Variants in SLC22A9 observed in about 807,000 individuals in gnomAD.
SLC22A9 encodes the protein solute carrier family 22 member 9, also known as organic anion transporter 7.
In SLC22A9, 64 loss-of-function variants were observed where a neutral mutation model predicts 50.1. That is an observed-to-expected ratio of 1.28 (90% confidence interval 1.04 to 1.57). SLC22A9 has a LOEUF of 1.57. Ranked by LOEUF, SLC22A9 falls within the 40% of genes most tolerant of loss-of-function variation. The pLI, the probability that SLC22A9 is intolerant of heterozygous loss-of-function variation, is 0.00. For missense variants in SLC22A9, 757 were observed against 676.1 expected, an observed-to-expected ratio of 1.12 and a Z score of -1.33; for synonymous variants, 261 against 242.5, an observed-to-expected ratio of 1.08 and a Z score of -0.71.
intron 6 of SLC22A9, among the ~76,000 whole-genome samples, chr11:63,387,065 C>G (rs996254070): frequency 1.3e-5 from 2 of 151,948 alleles, no homozygotes; most frequent in African/African-American, 4.8e-5. Flanking sequence ...ACTGCTTTAG[C>G]TGCAACCCAC....
At position 63,408,766 on chromosome 11, in the gene SLC22A9, C is replaced by T. The variant is rs373523978; in HGVS notation, c.1488C>T (p.Pro496=). ...TGATCCTAAGTGTGTATTCTCCACC[C>T]CTGCCCTGGATCATCTATGGAGTCT... ...LMMILSVYSP[P]LPWIIYGVFP... is the part of the protein sequence containing the mutation. Residue 496 remains proline, a synonymous_variant, in exon 9 of 10, where the codon CCC becomes CCT. Coordinates refer to ENST00000279178, the MANE Select transcript of SLC22A9 (RefSeq NM_080866.3). 2.9e-5 allele frequency: 47 copies of T among 1,613,888 alleles called. No individual in the cohort carries two copies. The highest frequency in any genetic ancestry group is 3.3e-5 in the Non-Finnish European group (39 of 1,179,952).
chr11:63,387,185 C>T (rs1372834543), intron 6 of SLC22A9, among the ~76,000 whole-genome samples: 4 of 151,958 alleles, frequency 2.6e-5, no homozygotes, highest in Non-Finnish European at 5.9e-5. Flanking sequence ...GTTGCCTGTG[C>T]GTCTGGGGTA....
At chr11:63,403,202 T>C (rs1056453008) in intron 6 of SLC22A9, among the ~76,000 whole-genome samples, 2 of 152,090 alleles carry the variant, frequency 1.3e-5, no homozygotes, top group Non-Finnish European at 2.9e-5. Flanking sequence ...AGAGAGAATT[T>C]TGAAAGCAGC....
At chr11:63,395,380 G>A (rs1272483276) in intron 6 of SLC22A9, among the ~76,000 whole-genome samples, 2 of 152,114 alleles carry the variant, frequency 1.3e-5, no homozygotes, top group African/African-American at 4.8e-5. Context: ...TAGGGCTAAA[G>A]GCTGTTGTTC....
At position 63,406,604 on chromosome 11, in the gene SLC22A9, A is replaced by C; in HGVS notation, c.1181A>C (p.Asn394Thr). The stretch of plus-strand genomic sequence containing the variant: ...TTTGGTGCAGTCATCCTCCTGGCCA[A>C]CTGTGTTGCACCTTGGGCACTGAAA... The part of the protein sequence containing the change: ...TLFGAVILLA[N>T]CVAPWALKYM... The change falls in exon 7 of 10, where the codon AAC (asparagine) becomes ACC (threonine). Residue 394 changes from asparagine to threonine, a missense_variant. Asn to Thr is a moderately conservative substitution (Grantham distance 65, BLOSUM62 0). Coordinates refer to ENST00000279178, the MANE Select transcript of SLC22A9 (RefSeq NM_080866.3). The C allele has an allele frequency of 1.2e-6, 2 of 1,613,840 alleles. No homozygotes were observed. Among genetic ancestry groups the C allele is most frequent in the Non-Finnish European group, 1.7e-6 (2 of 1,179,852 alleles).
Position 63,370,222 on chromosome 11 carries a change from AATG to A in SLC22A9, c.168_170del (p.Asp57del), listed in dbSNP as rs1287020614. The A allele has an allele frequency of 6.2e-6, 10 of 1,614,096 alleles. No individual in the cohort carries two copies. The highest frequency in any genetic ancestry group is 8.5e-6 in the Non-Finnish European group (10 of 1,179,948). ...TCGCTGCTGGGTCCACATCCTGGAC[AATG>A]ACACTGTCTCTGACAATGACACTGG... On this transcript the variant is annotated inframe_deletion, in exon 1 of 10. Transcript: ENST00000279178.
intron 6 of SLC22A9, among the ~76,000 whole-genome samples, chr11:63,389,283 T>C (rs2014721137): frequency 6.6e-6 from 1 of 151,622 alleles, no homozygotes; most frequent in South Asian, 2.1e-4. Context: ...TCATCTAGGT[T>C]TTAAGCCCCA....
intron 6 of SLC22A9, among the ~76,000 whole-genome samples, chr11:63,393,890 GT>G (rs2014807152): frequency 2.0e-5 from 3 of 152,108 alleles, no homozygotes; most frequent in Admixed American, 6.6e-5. Context: ...TCTGAAGAGT[GT>G]TTTCCAACTT....
chr11:63,396,544 T>C (rs1396019468), intron 6 of SLC22A9, among the ~76,000 whole-genome samples: 2 of 152,152 alleles, frequency 1.3e-5, no homozygotes, highest in Admixed American at 1.3e-4. Context: ...GTATTTGGGA[T>C]ATCTCCTGGC....
At chr11:63,391,842 C>G (rs959533456) in intron 6 of SLC22A9, among the ~76,000 whole-genome samples, 1 of 151,944 alleles carries the variant, frequency 6.6e-6, no homozygotes, top group Admixed American at 6.6e-5. Flanking sequence ...TTACTTCTGT[C>G]ATTTTGTTAT....
chr11:63,408,695 A>C lies in SLC22A9; in HGVS notation c.1417A>C (p.Asn473His). The C allele has an allele frequency of 6.2e-7, 1 of 1,613,786 alleles. No individual in the cohort carries two copies. The highest frequency in any genetic ancestry group is 8.5e-7 in the Non-Finnish European group (1 of 1,179,752). The change falls in exon 9 of 10, where the codon AAT becomes CAT. Residue 473 changes from asparagine (N) to histidine (H), a missense_variant. Coordinates refer to ENST00000279178, the MANE Select transcript of SLC22A9 (RefSeq NM_080866.3). ...TCAAAGGGCAAGAGCTATGGGGATC[A>C]ATGCAACCTTTGCTAATATAGCAGG... ...TIIRARAMGI[N>H]ATFANIAGAL...
At chr11:63,379,924 G>A (rs2014531126) in intron 5 of SLC22A9, among the ~76,000 whole-genome samples, 1 of 152,038 alleles carries the variant, frequency 6.6e-6, no homozygotes, top group Non-Finnish European at 1.5e-5. Flanking sequence ...TACAGATGGG[G>A]TTTCACCATG....
At chr11:63,393,422 A>G (rs943960708) in intron 6 of SLC22A9, among the ~76,000 whole-genome samples, 1 of 152,132 alleles carries the variant, frequency 6.6e-6, no homozygotes, top group Non-Finnish European at 1.5e-5. Flanking sequence ...AAACAATCAT[A>G]TCATCAGCAA....
At chr11:63,406,901 G>T (rs188416468) in intron 7 of SLC22A9, among the ~76,000 whole-genome samples, 190 bp downstream of exon 7, 2 of 152,134 alleles carry the variant, frequency 1.3e-5, no homozygotes, top group South Asian at 2.1e-4. Flanking sequence ...ATGAGTAAAG[G>T]TTGGCTCTAT....
chr11:63,408,537 G>C, intron 8 of SLC22A9, 139 bp from the exon 9 acceptor site: 1 of 785,262 alleles, frequency 1.3e-6, no homozygotes, highest in Non-Finnish European at 2.0e-6. Context: ...GCAAATAAAA[G>C]TGAAAATTTC....
At chr11:63,388,969 T>G (rs2014715190) in intron 6 of SLC22A9, among the ~76,000 whole-genome samples, 1 of 152,184 alleles carries the variant, frequency 6.6e-6, no homozygotes, top group Non-Finnish European at 1.5e-5. Context: ...CATATAGTTG[T>G]TAATGGTAGC....
In SLC22A9 at chr11:63,409,927, G is replaced by T; in HGVS notation, c.*65G>T. ...AAGGGAACAATCAGGACTATTCCTA[G>T]ACACTAGCAAAATCTAGAAAATAAA... is the stretch of plus-strand genomic sequence containing the variant. On this transcript the variant is annotated 3_prime_UTR_variant, in exon 10 of 10. Coordinates refer to ENST00000279178, the MANE Select transcript of SLC22A9 (RefSeq NM_080866.3). The T allele has an allele frequency of 6.4e-7, 1 of 1,559,268 alleles. No homozygotes were observed. The highest frequency in any genetic ancestry group is 1.1e-5 in the South Asian group (1 of 89,454).
intron 6 of SLC22A9, among the ~76,000 whole-genome samples, chr11:63,402,757 C>T (rs1023200711): frequency 5.3e-5 from 8 of 152,052 alleles, no homozygotes; most frequent in Non-Finnish European, 8.8e-5. Context: ...ACTAATCTGA[C>T]ATTAAATCTT....
intron 6 of SLC22A9, among the ~76,000 whole-genome samples, chr11:63,404,257 A>T (rs976184488): frequency 2.0e-5 from 1 of 49,862 alleles, no homozygotes; most frequent in Non-Finnish European, 2.9e-5. Flanking sequence ...TGAGATATCT[A>T]AAAAAAAGTC....
Sources: gnomAD v4.1 joint callset for allele counts (sites outside exome capture counted in the v4.1 genomes callset) on GRCh38, gnomAD v4.1.1 for gene constraint, MANE v1.5 for transcripts, NCBI Gene and HGNC (gene_info 2026-07-23, HGNC 2026-07-21) for gene names.